The following DLG2 variants were observed in gnomAD, a reference collection of about 807,000 sequenced individuals.
DLG2 encodes the protein discs large MAGUK scaffold protein 2.
Under a neutral mutation model 132.5 loss-of-function variants are expected in DLG2, and 45 were observed. That is an observed-to-expected ratio of 0.34 (90% CI 0.27 to 0.44). DLG2 has a LOEUF of 0.44. DLG2 is among the 20% of genes least tolerant of loss of function. DLG2 has a pLI of 1.00. For missense variants in DLG2, 1,045 were observed against 1,196.9 expected (o/e 0.87, Z 1.87); for synonymous variants, 424 against 419.6 (o/e 1.01, Z -0.13).
intron 6 of DLG2, among the ~76,000 whole-genome samples, chr11:84,634,959 T>C (rs1317927408): frequency 6.6e-6 from 1 of 152,192 alleles, no homozygotes; most frequent in Non-Finnish European, 1.5e-5. Flanking sequence ...AGATGAAGAC[T>C]ACAGGGTCAA....
intron 10 of DLG2, among the ~76,000 whole-genome samples, chr11:84,096,475 T>C (rs191664897): frequency 1.3e-5 from 2 of 152,190 alleles, no homozygotes; most frequent in Non-Finnish European, 1.5e-5. Flanking sequence ...CTCAGAGATA[T>C]CACTTTTCAT....
At chr11:83,527,727 C>CA (rs2095643278) in intron 21 of DLG2, among the ~76,000 whole-genome samples, 1 of 152,152 alleles carries the variant, frequency 6.6e-6, no homozygotes, top group Non-Finnish European at 1.5e-5. Context: ...AAGAGACACA[C>CA]ATTGCACGTT....
At chr11:83,870,008 T>A (rs924846401) in intron 16 of DLG2, among the ~76,000 whole-genome samples, 7 of 152,222 alleles carry the variant, frequency 4.6e-5, no homozygotes, top group South Asian at 4.1e-4. Context: ...TGCACGTGAT[T>A]TTATTTTCTA....
intron 3 of DLG2, among the ~76,000 whole-genome samples, chr11:85,581,378 C>T (rs1251125675): frequency 2.6e-5 from 4 of 151,684 alleles, no homozygotes; most frequent in Admixed American, 6.6e-5. Context: ...TTTCAGAGGC[C>T]GAGGCAGACA....
At chr11:84,757,100 C>G (rs1344009861) in intron 6 of DLG2, among the ~76,000 whole-genome samples, 1 of 152,106 alleles carries the variant, frequency 6.6e-6, no homozygotes, top group African/African-American at 2.4e-5. Context: ...TTTCTCTACT[C>G]TGGAATTCTC....
chr11:84,350,986 C>T (rs187410948), intron 7 of DLG2, among the ~76,000 whole-genome samples: 1 of 152,240 alleles, frequency 6.6e-6, no homozygotes, highest in Non-Finnish European at 1.5e-5. Context: ...CATGGTTTGG[C>T]ATCAGCCTAT....
chr11:83,527,776 T>C (rs1167091130), intron 21 of DLG2, among the ~76,000 whole-genome samples: 2 of 152,096 alleles, frequency 1.3e-5, no homozygotes, highest in African/African-American at 4.8e-5. Flanking sequence ...TCTCTCATAC[T>C]CTCTCTTACA....
At chr11:84,787,306 C>G (rs1489869124) in intron 6 of DLG2, among the ~76,000 whole-genome samples, 1 of 152,118 alleles carries the variant, frequency 6.6e-6, no homozygotes, top group East Asian at 1.9e-4. Context: ...GCTCCAGATT[C>G]CTATGGTTTG....
chr11:84,176,271 T>C (rs565288859), intron 8 of DLG2, among the ~76,000 whole-genome samples: 1 of 150,778 alleles, frequency 6.6e-6, no homozygotes, highest in South Asian at 2.1e-4. Flanking sequence ...TTTAAATAAT[T>C]GTAGTTAATA....
intron 6 of DLG2, among the ~76,000 whole-genome samples, chr11:84,590,710 T>C (rs1264214698): frequency 6.6e-6 from 1 of 152,186 alleles, no homozygotes; most frequent in African/African-American, 2.4e-5. Context: ...ATTTACTCAA[T>C]AGATGCTGCA....
rs186077904 is a variant in DLG2 at position 85,164,280 on chromosome 11, T to C, written c.187-9629A>G. ...TGTAGTTTCACAAAATAACCAGCTT[T>C]AAAAAAATCAGTATGCCACAGAGGA... On this transcript the variant is annotated intron_variant, in intron 4 of 27. Transcript: ENST00000376104. Among the ~76,000 whole-genome samples, 19 of 152,188 alleles carry C rather than the reference T, an allele frequency of 1.2e-4. No homozygotes were observed. In the South Asian group the frequency reaches 2.1e-3, roughly 17 times the overall value.
chr11:85,119,461 T>G (rs1403374520), intron 5 of DLG2, among the ~76,000 whole-genome samples: 1 of 152,040 alleles, frequency 6.6e-6, no homozygotes, highest in African/African-American at 2.4e-5. Context: ...TTGTGAAATA[T>G]TTTTAATGTA....
chr11:85,554,234 A>G (rs138086713), intron 3 of DLG2, among the ~76,000 whole-genome samples: 49 of 151,886 alleles, frequency 3.2e-4, no homozygotes, highest in African/African-American at 1.1e-3. Context: ...TGAGTATTTG[A>G]AAACAATAGT....
Position 85,366,888 on chromosome 11 carries a change from T to C in DLG2, c.41-81523A>G, listed in dbSNP as rs148504132. 3.3e-5 allele frequency among the ~76,000 whole-genome samples: 5 copies of C among 152,290 alleles called. No individual in the cohort carries two copies. In the East Asian group the frequency reaches 9.6e-4, roughly 29 times the overall value. ...ACTTTTTAAGTCAACCATTATTAAC[T>C]ATATTTTTGTGAATTCCTTGTTTAT... On this transcript the variant is annotated intron_variant, in intron 3 of 27. Coordinates refer to ENST00000376104, the MANE Select transcript of DLG2 (RefSeq NM_001142699.3).
intron 7 of DLG2, among the ~76,000 whole-genome samples, chr11:84,454,139 A>G (rs1238735502): frequency 6.6e-6 from 1 of 151,582 alleles, no homozygotes; most frequent in East Asian, 1.9e-4. Context: ...CCATCTGCAC[A>G]GTCTCATAAA....
intron 7 of DLG2, among the ~76,000 whole-genome samples, chr11:84,510,684 C>T (rs547410176): frequency 6.6e-6 from 1 of 152,156 alleles, no homozygotes; most frequent in Non-Finnish European, 1.5e-5. Context: ...GTGTTATTTA[C>T]AATTAATTAT....
intron 6 of DLG2, among the ~76,000 whole-genome samples, chr11:84,543,553 G>T (rs1565250223): frequency 6.6e-6 from 1 of 152,060 alleles, no homozygotes; most frequent in African/African-American, 2.4e-5. Flanking sequence ...GGGGTCAAGG[G>T]CCCCACCTGC....
intron 6 of DLG2, among the ~76,000 whole-genome samples, chr11:84,581,135 T>C (rs186543780): frequency 1.3e-5 from 2 of 152,196 alleles, no homozygotes; most frequent in African/African-American, 2.4e-5. Context: ...TTACAAATAT[T>C]TGACGAATTG....
chr11:84,656,370 C>T (rs1365443762), intron 6 of DLG2, among the ~76,000 whole-genome samples: 1 of 152,110 alleles, frequency 6.6e-6, no homozygotes, highest in East Asian at 1.9e-4. Context: ...CATAGGTCTG[C>T]TTGCTAAAAA....
Sources: allele counts gnomAD v4.1 joint callset (sites outside exome capture counted in the v4.1 genomes callset), GRCh38; gene constraint gnomAD v4.1.1; transcripts MANE v1.5; gene names NCBI Gene and HGNC (gene_info 2026-07-23, HGNC 2026-07-21).